NAV3: variants seen among roughly 807,000 people sequenced by gnomAD.
NAV3 encodes pore membrane and/or filament interacting like protein 1.
Under a neutral mutation model 244.7 loss-of-function variants are expected in NAV3, and 87 were observed. The ratio of observed to expected loss-of-function variants is 0.36; its 90% CI spans 0.30 to 0.42. NAV3 has a LOEUF of 0.42. Among genes scored for constraint, NAV3 ranks in the 20% least tolerant of loss-of-function variants. The probability of loss-of-function intolerance (pLI) is 1.00; values close to 1 mark genes in which losing one functional copy is unlikely to be tolerated. For synonymous variants in NAV3, 1,126 were observed against 1,042.2 expected (o/e 1.08, Z -1.55); for missense variants, 2,663 against 2,893.3 (o/e 0.92, Z 1.83).
At position 78,187,469 on chromosome 12, in the gene NAV3, C is replaced by CACTAT. The variant is rs1399569736; in HGVS notation, c.5791-779_5791-778insACTAT. ...ATAATCACTATTTCGTTAACCATTT[C>CACTAT]TGGTCATCATAATAGAGGCTCTAGC... is the stretch of plus-strand genomic sequence containing the variant. On this transcript the variant is annotated intron_variant, in intron 31 of 39. Coordinates refer to ENST00000397909, the MANE Select transcript of NAV3 (RefSeq NM_001024383.2). Among the ~76,000 whole-genome samples the CACTAT allele has an allele frequency of 2.6e-5, 4 of 151,858 alleles. No individual in the cohort carries two copies. The East Asian group carries it at 5.8e-4, about 22-fold the overall frequency.
intron 2 of NAV3, among the ~76,000 whole-genome samples, chr12:77,754,682 G>A (rs1366248691): frequency 2.6e-5 from 4 of 152,166 alleles, no homozygotes; most frequent in Non-Finnish European, 5.9e-5. Context: ...TAGTATTAGT[G>A]AAACTTTGTG....
At chr12:77,641,534 T>C (rs1565749116) in intron 2 of NAV3, among the ~76,000 whole-genome samples, 1 of 152,126 alleles carries the variant, frequency 6.6e-6, no homozygotes, top group Non-Finnish European at 1.5e-5. Context: ...GGAATTTGTA[T>C]GCTAGAACAA....
chr12:77,720,107 C>G (rs1248753198), intron 2 of NAV3, among the ~76,000 whole-genome samples: 1 of 152,032 alleles, frequency 6.6e-6, no homozygotes, highest in Admixed American at 6.6e-5. Context: ...ATAAGAGCCT[C>G]TTGTTATCTT....
chr12:77,816,914 G>T (rs2136017711), intron 2 of NAV3, among the ~76,000 whole-genome samples: 1 of 152,248 alleles, frequency 6.6e-6, no homozygotes, highest in South Asian at 2.1e-4. Flanking sequence ...GCCGTTCAGA[G>T]AGAACAGTAA....
chr12:78,143,141 T>C (rs767833171), intron 20 of NAV3, among the ~76,000 whole-genome samples: 5 of 152,156 alleles, frequency 3.3e-5, no homozygotes, highest in Non-Finnish European at 5.9e-5. Flanking sequence ...TTTTGCCTGG[T>C]TCAATCAAGA....
At chr12:77,634,875 G>C (rs989444486) in intron 2 of NAV3, among the ~76,000 whole-genome samples, 3 of 152,062 alleles carry the variant, frequency 2.0e-5, no homozygotes. Context: ...TTTATGAATA[G>C]TGAGCTTCAT....
At chr12:78,205,913 C>G (rs939916782) in intron 39 of NAV3, among the ~76,000 whole-genome samples, 6 of 151,898 alleles carry the variant, frequency 4.0e-5, no homozygotes, top group Non-Finnish European at 7.4e-5. Flanking sequence ...TTAAATCAAA[C>G]TAAGACAAAA....
chr12:78,076,109 C>A (rs1300107930), intron 12 of NAV3, among the ~76,000 whole-genome samples: 1 of 152,210 alleles, frequency 6.6e-6, no homozygotes, highest in East Asian at 1.9e-4. Flanking sequence ...TGGCGTCTGG[C>A]ACACAGGCTT....
intron 2 of NAV3, among the ~76,000 whole-genome samples, chr12:77,584,679 C>A (rs1326022616): frequency 6.6e-6 from 1 of 152,126 alleles, no homozygotes; most frequent in Non-Finnish European, 1.5e-5. Context: ...AATTACCTAG[C>A]TGTTTAATTA....
intron 1 of NAV3, 23 bp from the exon 2 acceptor site, chr12:77,940,296 T>G: frequency 6.3e-7 from 1 of 1,579,798 alleles, no homozygotes; most frequent in Non-Finnish European, 8.7e-7. Context: ...CCATCTCACT[T>G]TTTCCTTCTC....
chr12:77,635,661 A>C (rs1056912298), intron 2 of NAV3, among the ~76,000 whole-genome samples: 3 of 152,184 alleles, frequency 2.0e-5, no homozygotes, highest in Non-Finnish European at 4.4e-5. Context: ...CTTAAAAATT[A>C]ATTAAAGAGC....
chr12:78,033,536 A>G (rs756246887), intron 9 of NAV3, among the ~76,000 whole-genome samples: 2 of 152,120 alleles, frequency 1.3e-5, no homozygotes, highest in Non-Finnish European at 2.9e-5. Flanking sequence ...ACATTCATAT[A>G]TGAATGTACC....
chr12:77,991,417 C>A (rs79126115), intron 5 of NAV3, among the ~76,000 whole-genome samples: 8,451 of 152,050 alleles, frequency 0.056, 309 homozygotes, highest in Non-Finnish European at 0.083. Flanking sequence ...GAAGAAATTT[C>A]ATTATGTTTA....
rs746126620 is a variant in NAV3, at chr12:77,947,749, C to T, written c.414+6616C>T. ...GATTTCATTATTTTTATACAAACTT[C>T]GCAAAAATATGTATAAACTACTAGT... On this transcript the variant is annotated intron_variant, in intron 3 of 39. Transcript: ENST00000397909. 6.0e-4 allele frequency among the ~76,000 whole-genome samples: 91 copies of T among 151,838 alleles called. 1 individual carries two copies. The highest frequency in any genetic ancestry group is 1.7e-3 in the South Asian group (8 of 4,820).
intron 1 of NAV3, among the ~76,000 whole-genome samples, chr12:77,856,471 A>T (rs546487557): frequency 6.6e-6 from 1 of 152,172 alleles, no homozygotes; most frequent in African/African-American, 2.4e-5. Context: ...AAAAACATAC[A>T]TGAGAAATAT....
chr12:77,716,323 G>A (rs1326049049), intron 2 of NAV3, among the ~76,000 whole-genome samples: 5 of 150,592 alleles, frequency 3.3e-5, no homozygotes, highest in Non-Finnish European at 5.9e-5. Flanking sequence ...TTGTTACACT[G>A]CACTTGTGCT....
chr12:78,085,998 G>T (rs1047277717), intron 12 of NAV3, among the ~76,000 whole-genome samples: 8 of 152,058 alleles, frequency 5.3e-5, no homozygotes, highest in African/African-American at 1.9e-4. Flanking sequence ...GAATGCAAAC[G>T]CTGGGTTTCC....
intron 2 of NAV3, chr12:77,775,825 C>G (rs1870327575): frequency 6.6e-6 from 1 of 152,202 alleles, no homozygotes; most frequent in Non-Finnish European, 1.5e-5. Flanking sequence ...CCATTGTTCA[C>G]TTTCTTGAGT....
chr12:77,959,912 C>CAAAAAAAAAAAAAA (rs57550714), intron 3 of NAV3, among the ~76,000 whole-genome samples: 3 of 64,682 alleles, frequency 4.6e-5, no homozygotes, highest in Non-Finnish European at 2.6e-5. Flanking sequence ...CCTGACCCGA[C>CAAAAAAAAAAAAAA]AAAAAAAAAA....
Sources: gnomAD v4.1 joint callset for allele counts (sites outside exome capture counted in the v4.1 genomes callset) on GRCh38, gnomAD v4.1.1 for gene constraint, MANE v1.5 for transcripts, NCBI Gene and HGNC (gene_info 2026-07-23, HGNC 2026-07-21) for gene names.